PITPNC1: variants seen among roughly 807,000 people sequenced by gnomAD.
The protein encoded by PITPNC1 is cytoplasmic phosphatidylinositol transfer protein 1.
A neutral mutation model predicts 44.7 loss-of-function variants in PITPNC1; 18 were observed. That is an observed-to-expected ratio of 0.40 (90% CI 0.28 to 0.60). PITPNC1 has a LOEUF of 0.60. Among genes scored for constraint, PITPNC1 ranks in the 20% least tolerant of loss-of-function variants. The pLI is 0.39. For synonymous variants in PITPNC1, 141 were observed against 149.6 expected (o/e 0.94, Z 0.42); for missense variants, 290 against 418.4 (o/e 0.69, Z 2.68).
intron 1 of PITPNC1, among the ~76,000 whole-genome samples, chr17:67,441,080 G>A (rs1001843985): frequency 6.6e-6 from 1 of 152,130 alleles, no homozygotes; most frequent in Non-Finnish European, 1.5e-5. Context: ...ACATATCAGA[G>A]TATAGCTATT....
chr17:67,442,164 C>T (rs2039020457), intron 1 of PITPNC1, among the ~76,000 whole-genome samples: 1 of 139,022 alleles, frequency 7.2e-6, no homozygotes, highest in African/African-American at 2.6e-5. Context: ...ATTGCACTGC[C>T]CTGCCAAACC....
intron 6 of PITPNC1, among the ~76,000 whole-genome samples, chr17:67,644,050 A>ACTTCT (rs1373507517): frequency 1.3e-5 from 2 of 152,206 alleles, no homozygotes; most frequent in African/African-American, 4.8e-5. Flanking sequence ...ATCCTGCAGA[A>ACTTCT]GTTACAGCCA....
At chr17:67,515,729 T>C (rs1347332518) in intron 1 of PITPNC1, among the ~76,000 whole-genome samples, 1 of 152,204 alleles carries the variant, frequency 6.6e-6, no homozygotes, top group African/African-American at 2.4e-5. Context: ...GAAGGGATTT[T>C]TCTCCCACAG....
At chr17:67,517,958 C>A (rs183569060) in intron 1 of PITPNC1, among the ~76,000 whole-genome samples, 1 of 152,120 alleles carries the variant, frequency 6.6e-6, no homozygotes, top group Non-Finnish European at 1.5e-5. Flanking sequence ...CTTTTTCCAG[C>A]GTAGCTGTCA....
chr17:67,572,138 G>A (rs979332878), intron 4 of PITPNC1, among the ~76,000 whole-genome samples: 5 of 152,150 alleles, frequency 3.3e-5, no homozygotes, highest in African/African-American at 9.7e-5. Context: ...AATGGCTGAC[G>A]ACCCTAGTGT....
At chr17:67,446,186 C>T (rs1410988066) in intron 1 of PITPNC1, among the ~76,000 whole-genome samples, 4 of 151,600 alleles carry the variant, frequency 2.6e-5, no homozygotes, top group Non-Finnish European at 4.4e-5. Flanking sequence ...ACTTCATGAT[C>T]CACCCGCCTC....
intron 1 of PITPNC1, among the ~76,000 whole-genome samples, chr17:67,488,739 TCCTGGCAGCC>T (rs894826598): frequency 6.6e-6 from 1 of 152,172 alleles, no homozygotes; most frequent in Non-Finnish European, 1.5e-5. Context: ...CCTGTTCCCC[TCCTGGCAGCC>T]CCTGGCAGCC....
chr17:67,438,139 G>C (rs948585016), intron 1 of PITPNC1, among the ~76,000 whole-genome samples: 1 of 152,136 alleles, frequency 6.6e-6, no homozygotes, highest in East Asian at 1.9e-4. Context: ...ACAGGGCTGT[G>C]TCTGACCTTC....
chr17:67,433,111 C>A (rs1346857437), intron 1 of PITPNC1, among the ~76,000 whole-genome samples: 2 of 152,104 alleles, frequency 1.3e-5, no homozygotes, highest in Non-Finnish European at 2.9e-5. Flanking sequence ...ATCGTGGGAG[C>A]AAGGCTTGTA....
intron 2 of PITPNC1, among the ~76,000 whole-genome samples, chr17:67,535,822 C>T (rs1249785046): frequency 6.6e-6 from 1 of 152,120 alleles, no homozygotes; most frequent in Non-Finnish European, 1.5e-5. Context: ...TAAGGAAGGG[C>T]ATCGGGGGGA....
intron 1 of PITPNC1, among the ~76,000 whole-genome samples, chr17:67,404,089 C>T (rs2038361519): frequency 6.6e-6 from 1 of 152,166 alleles, no homozygotes; most frequent in Admixed American, 6.6e-5. Flanking sequence ...CTTTGTTTTG[C>T]ATAACCAAAG....
intron 1 of PITPNC1, among the ~76,000 whole-genome samples, chr17:67,441,285 C>A (rs1057373573): frequency 6.7e-6 from 1 of 150,372 alleles, no homozygotes; most frequent in Non-Finnish European, 1.5e-5. Context: ...AAGCCCCCCC[C>A]CGCCACCCAT....
intron 1 of PITPNC1, among the ~76,000 whole-genome samples, chr17:67,520,630 C>T (rs1037090563): frequency 1.3e-5 from 2 of 152,166 alleles, no homozygotes; most frequent in Non-Finnish European, 2.9e-5. Flanking sequence ...TTGGCATACA[C>T]GTGAAATGCA....
intron 4 of PITPNC1, among the ~76,000 whole-genome samples, chr17:67,554,029 G>A (rs1176891288): frequency 3.9e-5 from 6 of 152,182 alleles, no homozygotes; most frequent in Non-Finnish European, 8.8e-5. Flanking sequence ...GCTTGAAAGT[G>A]AAGAGGCACA....
chr17:67,480,806 A>G (rs1201825079), intron 1 of PITPNC1, among the ~76,000 whole-genome samples: 1 of 152,192 alleles, frequency 6.6e-6, no homozygotes, highest in Non-Finnish European at 1.5e-5. Flanking sequence ...CTCAGTTAAT[A>G]CGACTTTCTT....
At chr17:67,645,073 G>T (rs1236214810) in intron 6 of PITPNC1, among the ~76,000 whole-genome samples, 8 of 152,106 alleles carry the variant, frequency 5.3e-5, no homozygotes, top group Non-Finnish European at 1.0e-4. Flanking sequence ...AGGCGCGGTG[G>T]CTCATGCCTG....
At chr17:67,675,054 C>G (rs1271620329) in intron 7 of PITPNC1, among the ~76,000 whole-genome samples, 2 of 150,076 alleles carry the variant, frequency 1.3e-5, no homozygotes, top group African/African-American at 4.9e-5. Flanking sequence ...GAAAAGTGTT[C>G]TAGATTTCCA....
chr17:67,620,904 G>T (rs1294201175), intron 5 of PITPNC1, among the ~76,000 whole-genome samples: 1 of 152,166 alleles, frequency 6.6e-6, no homozygotes, highest in East Asian at 1.9e-4. Context: ...TGGATCTGGG[G>T]TCATCACTGC....
chr17:67,545,569 CTG>C (rs2040668673), intron 2 of PITPNC1, among the ~76,000 whole-genome samples: 1 of 87,294 alleles, frequency 1.1e-5, no homozygotes, highest in African/African-American at 3.3e-5. Context: ...GAGCAAGACT[CTG>C]TCTCAAAATA....
Sources: gnomAD v4.1 joint callset for allele counts (sites outside exome capture counted in the v4.1 genomes callset) on GRCh38, gnomAD v4.1.1 for gene constraint, MANE v1.5 for transcripts, NCBI Gene and HGNC (gene_info 2026-07-23, HGNC 2026-07-21) for gene names.